The following PRPF6 variants were observed in gnomAD, a reference collection of about 807,000 sequenced individuals.
PRPF6 encodes pre-mRNA-processing factor 6.
PRPF6 carries 42 observed loss-of-function variants against 118.3 expected under a neutral mutation model. The observed-to-expected ratio is 0.35, with a 90% CI of 0.28 to 0.46. The LOEUF (loss-of-function observed/expected upper bound fraction) is 0.46. Ranked by LOEUF, PRPF6 falls within the 20% of genes least tolerant of loss-of-function variation. PRPF6 has a pLI of 1.00. For missense variants in PRPF6, 662 were observed against 1,255.7 expected (o/e 0.53, Z 7.15); for synonymous variants, 481 against 485.1 (o/e 0.99, Z 0.11).
At chr20:64,031,850 C>T (rs1030866997) in intron 19 of PRPF6, 68 bp from the exon 20 acceptor site, 60 of 1,609,842 alleles carry the variant, frequency 3.7e-5, no homozygotes, top group Non-Finnish European at 4.3e-5. Context: ...GCCCTGAAGC[C>T]GTTCCCCTGC....
chr20:63,996,212 G>A (rs1441111143), intron 6 of PRPF6, among the ~76,000 whole-genome samples: 9 of 152,074 alleles, frequency 5.9e-5, no homozygotes, highest in Non-Finnish European at 1.2e-4. Flanking sequence ...GGTGGCGGGC[G>A]CCTGTAATCC....
At chr20:63,985,881 G>T (rs1419685690) in intron 3 of PRPF6, among the ~76,000 whole-genome samples, 1 of 152,112 alleles carries the variant, frequency 6.6e-6, no homozygotes. Flanking sequence ...ATAGAGGAGG[G>T]AATACTTCCA....
rs778297903 is a variant in PRPF6, at chr20:63,999,586, C to A, written c.867-17C>A. ...TGACAGCATGGCCTGATGCCGTGTG[C>A]ACTCTCCCTCTCATAGTGATATCAA... On this transcript the variant is annotated splice_polypyrimidine_tract_variant and intron_variant, in intron 7 of 20. Transcript: ENST00000266079. 1 of 1,613,786 alleles carries A rather than the reference C, an allele frequency of 6.2e-7. No individual in the cohort carries two copies. The highest frequency in any genetic ancestry group is 8.5e-7 in the Non-Finnish European group (1 of 1,180,028).
Position 63,982,023 on chromosome 20 carries a change from G to T in PRPF6, c.71+707G>T, listed in dbSNP as rs8120247. 5.8e-3 allele frequency among the ~76,000 whole-genome samples: 887 copies of T among 152,114 alleles called. 12 individuals are homozygous for T. The highest frequency in any genetic ancestry group is 0.02 in the African/African-American group (841 of 41,486). On this transcript the variant is annotated intron_variant, in intron 1 of 20. Coordinates refer to ENST00000266079, the MANE Select transcript of PRPF6 (RefSeq NM_012469.4). ...GCGTGTGGGAGTTCAAAAAAAGTGA[G>T]GCAAGGAGGAAGCCCAGGGAACAGG...
At chr20:64,010,107 C>G in intron 9 of PRPF6, 93 bp from the exon 10 acceptor site, 1 of 1,087,614 alleles carries the variant, frequency 9.2e-7, no homozygotes, top group South Asian at 1.2e-5. Context: ...CCAGGGAAGT[C>G]CGTCTCATCC....
At chr20:63,992,755 G>A (rs2059124191) in intron 3 of PRPF6, among the ~76,000 whole-genome samples, 1 of 151,024 alleles carries the variant, frequency 6.6e-6, no homozygotes, top group Non-Finnish European at 1.5e-5. Flanking sequence ...TTATTTAGAG[G>A]CAGAGTCTCT....
At chr20:63,999,161 T>A (rs760732536) in intron 7 of PRPF6, 22 bp downstream of exon 7, 1 of 1,599,446 alleles carries the variant, frequency 6.3e-7, no homozygotes, top group Non-Finnish European at 8.6e-7. Flanking sequence ...GCAGAATCGC[T>A]GGGCTGGGAT....
At chr20:63,987,762 A>G (rs1323432436) in intron 3 of PRPF6, among the ~76,000 whole-genome samples, 2 of 152,192 alleles carry the variant, frequency 1.3e-5, no homozygotes, top group African/African-American at 2.4e-5. Context: ...GTTGCAGGCT[A>G]TGCCCCCAGG....
intron 7 of PRPF6, 99 bp downstream of exon 7, chr20:63,999,238 G>A (rs1421730872): frequency 2.0e-6 from 2 of 995,218 alleles, no homozygotes; most frequent in Non-Finnish European, 3.2e-6. Context: ...ATGGGACATG[G>A]CGGTTCTAAG....
chr20:63,995,766 C>T (rs539523901), intron 6 of PRPF6, among the ~76,000 whole-genome samples: 1 of 151,988 alleles, frequency 6.6e-6, no homozygotes, highest in South Asian at 2.1e-4. Context: ...AAGTGATTCT[C>T]CTACCTCAGC....
chr20:64,000,141 G>A (rs1023133496), intron 8 of PRPF6, among the ~76,000 whole-genome samples: 6 of 151,994 alleles, frequency 3.9e-5, no homozygotes, highest in Non-Finnish European at 7.4e-5. Context: ...TCCACCACTG[G>A]TTTGACGGCA....
At chr20:64,010,714 G>A (rs2123052155) in intron 10 of PRPF6, among the ~76,000 whole-genome samples, 1 of 152,316 alleles carries the variant, frequency 6.6e-6, no homozygotes, top group East Asian at 1.9e-4. Context: ...TAAGCTAAGT[G>A]GGATTTCTTT....
intron 19 of PRPF6, among the ~76,000 whole-genome samples, chr20:64,031,672 CAA>C (rs568394576): frequency 9.2e-5 from 7 of 75,874 alleles, no homozygotes; most frequent in East Asian, 5.4e-4. Context: ...GACTCCTTCT[CAA>C]AAAAAAAAAA....
rs757059287 is a variant in PRPF6 at position 63,983,107 on chromosome 20, G to A, written c.132G>A (p.Val44=). The A allele has an allele frequency of 6.8e-6, 11 of 1,614,086 alleles. No individual in the cohort carries two copies. In the East Asian group the frequency reaches 2.4e-4, roughly 36 times the overall value. Residue 44 remains valine (V), a synonymous_variant, in exon 2 of 21, where the codon GTG becomes GTA. Coordinates refer to ENST00000266079, the MANE Select transcript of PRPF6 (RefSeq NM_012469.4). Reference sequence around the variant, plus strand: ...CCGCCCGTGATGCAAATGACCCTGTGGATGATCGCCATGCACCCCCAGGCA... The same window carrying A: ...CCGCCCGTGATGCAAATGACCCTGTAGATGATCGCCATGCACCCCCAGGCA... ...IGPARDANDP[V]DDRHAPPGKR... is the part of the protein sequence containing the mutation.
intron 14 of PRPF6, among the ~76,000 whole-genome samples, 162 bp from the exon 15 acceptor site, chr20:64,025,777 G>A (rs1250408241): frequency 2.0e-5 from 3 of 152,262 alleles, no homozygotes; most frequent in Non-Finnish European, 4.4e-5. Flanking sequence ...TTGCACTGGA[G>A]TCGGCTCTGT....
At chr20:64,013,581 C>G (rs866197778) in intron 11 of PRPF6, among the ~76,000 whole-genome samples, 1 of 152,110 alleles carries the variant, frequency 6.6e-6, no homozygotes, top group African/African-American at 2.4e-5. Flanking sequence ...GTGGCTGGGA[C>G]TACAGGCGTG....
At chr20:64,003,744 C>A (rs1157473469) in intron 9 of PRPF6, among the ~76,000 whole-genome samples, 1 of 152,300 alleles carries the variant, frequency 6.6e-6, no homozygotes, top group South Asian at 2.1e-4. Context: ...TACAGGCGCC[C>A]GCCACCAGGC....
chr20:64,024,574 C>T lies in PRPF6; in HGVS notation c.1789C>T (p.Leu597=). 7 of 1,613,614 alleles carry T rather than the reference C, an allele frequency of 4.3e-6. No homozygotes were observed. The highest frequency in any genetic ancestry group is 5.9e-6 in the Non-Finnish European group (7 of 1,180,046). The change falls in exon 14 of 21, where the codon CTG becomes TTG. Residue 597 remains leucine (L), a synonymous_variant. Coordinates refer to ENST00000266079, the MANE Select transcript of PRPF6 (RefSeq NM_012469.4). The stretch of plus-strand genomic sequence containing the variant: ...TTGCAGGGAGTCCCTGGAAGCACTC[C>T]TGCAGAGGGCTGTGGCCCACTGCCC... ...HGTRESLEAL[L]QRAVAHCPKA... is the part of the protein sequence containing the mutation.
chr20:64,024,834 A>G (rs1232335741), intron 14 of PRPF6, 141 bp downstream of exon 14: 1 of 1,292,100 alleles, frequency 7.7e-7, no homozygotes, highest in Non-Finnish European at 1.1e-6. Flanking sequence ...GCTGCTCCAC[A>G]GGAGCAGGGG....
Sources: allele counts gnomAD v4.1 joint callset (sites outside exome capture counted in the v4.1 genomes callset), GRCh38; gene constraint gnomAD v4.1.1; transcripts MANE v1.5; gene names NCBI Gene and HGNC (gene_info 2026-07-23, HGNC 2026-07-21).